PDE1C: variants seen among roughly 807,000 people sequenced by gnomAD.
PDE1C encodes the protein phosphodiesterase 1C.
Under a neutral mutation model 93.1 loss-of-function variants are expected in PDE1C, and 62 were observed. The ratio of observed to expected loss-of-function variants is 0.67; its 90% CI spans 0.54 to 0.82. The LOEUF (loss-of-function observed/expected upper bound fraction) is 0.82. PDE1C is among the 40% of genes least tolerant of loss of function. The pLI is 0.00. For missense variants in PDE1C, 742 were observed against 884.6 expected (o/e 0.84, Z 2.04); for synonymous variants, 325 against 310.1 (o/e 1.05, Z -0.50).
chr7:31,979,496 A>C (rs944229701), intron 2 of PDE1C, among the ~76,000 whole-genome samples: 2 of 152,234 alleles, frequency 1.3e-5, no homozygotes, highest in Non-Finnish European at 2.9e-5. Context: ...ATGAGATAGA[A>C]AATATCATTA....
chr7:32,244,109 A>G (rs1255053580), intron 1 of PDE1C, among the ~76,000 whole-genome samples: 1 of 152,232 alleles, frequency 6.6e-6, no homozygotes, highest in East Asian at 1.9e-4. Flanking sequence ...CCAGAAATGA[A>G]GGCAGCACCC....
At chr7:32,222,566 T>C (rs1806953718) in intron 1 of PDE1C, among the ~76,000 whole-genome samples, 1 of 152,184 alleles carries the variant, frequency 6.6e-6, no homozygotes, top group African/African-American at 2.4e-5. Flanking sequence ...CATCTTATCT[T>C]CTAAGCCAGT....
At chr7:31,916,023 G>T (rs1041588752) in intron 2 of PDE1C, among the ~76,000 whole-genome samples, 3 of 151,702 alleles carry the variant, frequency 2.0e-5, no homozygotes, top group African/African-American at 7.3e-5. Context: ...CAGAGATAAG[G>T]AAGTTACTTT....
intron 7 of PDE1C, among the ~76,000 whole-genome samples, chr7:31,858,667 T>C (rs1460746986): frequency 6.6e-6 from 1 of 152,124 alleles, no homozygotes; most frequent in Non-Finnish European, 1.5e-5. Context: ...CAATCACAAG[T>C]TTTGAAATAT....
chr7:31,722,024 G>A, the PDE1C span, among the ~76,000 whole-genome samples: 1 of 152,146 alleles, frequency 6.6e-6, no homozygotes, highest in Non-Finnish European at 1.5e-5. Context: ...GGTCATATTT[G>A]CACCAGAACC....
chr7:32,038,852 T>A (rs553052676), intron 2 of PDE1C, among the ~76,000 whole-genome samples: 2 of 152,296 alleles, frequency 1.3e-5, no homozygotes, highest in African/African-American at 4.8e-5. Flanking sequence ...TTCAAAATAA[T>A]GATGCTAAAT....
intron 16 of PDE1C, chr7:31,785,967 G>A (rs1222910052): frequency 6.6e-6 from 1 of 152,008 alleles, no homozygotes; most frequent in South Asian, 2.1e-4. Context: ...CTTTAATCAT[G>A]GATCACAGTT....
At chr7:31,982,850 G>A (rs1421094933) in intron 2 of PDE1C, among the ~76,000 whole-genome samples, 1 of 152,100 alleles carries the variant, frequency 6.6e-6, no homozygotes, top group Admixed American at 6.5e-5. Flanking sequence ...GAACCCCATG[G>A]GCTTTGAGAA....
At chr7:31,895,432 C>T (rs546534598) in intron 2 of PDE1C, among the ~76,000 whole-genome samples, 1 of 152,082 alleles carries the variant, frequency 6.6e-6, no homozygotes, top group South Asian at 2.1e-4. Context: ...AATACAAGAC[C>T]CTGCTGTCTT....
chr7:31,662,871 T>G, the PDE1C span, among the ~76,000 whole-genome samples: 1 of 152,192 alleles, frequency 6.6e-6, no homozygotes, highest in Non-Finnish European at 1.5e-5. Context: ...TTTATCCCTC[T>G]GATCCATATT....
At chr7:31,660,336 A>G in the PDE1C span, among the ~76,000 whole-genome samples, 1 of 152,238 alleles carries the variant, frequency 6.6e-6, no homozygotes, top group Non-Finnish European at 1.5e-5. Context: ...TCCTTTATTT[A>G]TGATCAAAGG....
chr7:31,625,882 T>C, the PDE1C span, among the ~76,000 whole-genome samples: 2 of 152,278 alleles, frequency 1.3e-5, no homozygotes, highest in Admixed American at 1.3e-4. Flanking sequence ...AGTGATCTCA[T>C]CTAAAATTGA....
intron 12 of PDE1C, among the ~76,000 whole-genome samples, chr7:31,827,168 A>G (rs527392432): frequency 7.0e-4 from 107 of 152,204 alleles, no homozygotes; most frequent in Admixed American, 5.1e-3. Flanking sequence ...TCCGTACCCA[A>G]TGTTCTTGCC....
chr7:32,244,546 T>G (rs1267973151), intron 1 of PDE1C, among the ~76,000 whole-genome samples: 2 of 152,174 alleles, frequency 1.3e-5, no homozygotes, highest in Non-Finnish European at 2.9e-5. Context: ...TTCCACCTAA[T>G]CAATGGCTCT....
chr7:31,790,527 A>C (rs1784468046), intron 16 of PDE1C, among the ~76,000 whole-genome samples: 1 of 152,192 alleles, frequency 6.6e-6, no homozygotes, highest in African/African-American at 2.4e-5. Flanking sequence ...TTGGTCATGC[A>C]GTAGGGATAT....
intron 1 of PDE1C, among the ~76,000 whole-genome samples, chr7:32,068,357 CAG>C (rs550999687): frequency 2.2e-4 from 33 of 151,856 alleles, no homozygotes; most frequent in African/African-American, 6.5e-4. Context: ...CTTTGGTTTC[CAG>C]AGTCTTTAGC....
chr7:31,956,370 G>A (rs924855953), intron 2 of PDE1C, among the ~76,000 whole-genome samples: 1 of 152,074 alleles, frequency 6.6e-6, no homozygotes, highest in African/African-American at 2.4e-5. Context: ...GGGATTACAG[G>A]TGTGAGCCAC....
chr7:31,618,000 T>A, the PDE1C span, among the ~76,000 whole-genome samples: 2 of 152,214 alleles, frequency 1.3e-5, no homozygotes, highest in African/African-American at 4.8e-5. Context: ...ATAAACTGTT[T>A]ATGCTGTCAG....
chr7:31,737,517 C>G, the PDE1C span, among the ~76,000 whole-genome samples: 1 of 152,132 alleles, frequency 6.6e-6, no homozygotes, highest in South Asian at 2.1e-4. Context: ...AAAAGTAAGT[C>G]CAGGCTGGGT....
Sources: allele counts gnomAD v4.1 joint callset (sites outside exome capture counted in the v4.1 genomes callset), GRCh38; gene constraint gnomAD v4.1.1; transcripts MANE v1.5; gene names NCBI Gene and HGNC (gene_info 2026-07-23, HGNC 2026-07-21).